The following NR2C2 variants were observed in gnomAD, a reference collection of about 807,000 sequenced individuals.
NR2C2 encodes the protein nuclear receptor subfamily 2 group C member 2.
A neutral mutation model predicts 62.9 loss-of-function variants in NR2C2; 6 were observed. The observed-to-expected ratio is 0.10, with a 90% CI of 0.05 to 0.19. NR2C2 has a LOEUF of 0.19. NR2C2 is among the 10% of genes least tolerant of loss of function. The probability of loss-of-function intolerance (pLI) is 1.00; values close to 1 mark genes in which losing one functional copy is unlikely to be tolerated. For missense variants in NR2C2, 479 were observed against 762.7 expected, an observed-to-expected ratio of 0.63 and a Z score of 4.38; for synonymous variants, 272 against 273.8, an observed-to-expected ratio of 0.99 and a Z score of 0.07.
intron 13 of NR2C2, among the ~76,000 whole-genome samples, chr3:15,041,812 A>AC (rs2042275579): frequency 1.3e-5 from 2 of 152,198 alleles, no homozygotes; most frequent in South Asian, 4.1e-4. Flanking sequence ...AGCTGTGATC[A>AC]CATCACTCCA....
At chr3:15,002,820 G>A (rs1278201106) in intron 1 of NR2C2, among the ~76,000 whole-genome samples, 1 of 151,016 alleles carries the variant, frequency 6.6e-6, no homozygotes, top group Non-Finnish European at 1.5e-5. Flanking sequence ...CACCATGCCT[G>A]GCTAATTTTG....
intron 1 of NR2C2, among the ~76,000 whole-genome samples, chr3:14,964,014 A>G (rs1022326974): frequency 1.3e-5 from 2 of 151,934 alleles, no homozygotes; most frequent in African/African-American, 2.4e-5. Context: ...TGAATGGGCT[A>G]TCAGAGTTAC....
intron 8 of NR2C2, among the ~76,000 whole-genome samples, 169 bp downstream of exon 8, chr3:15,028,888 T>C (rs997539971): frequency 6.6e-6 from 1 of 152,214 alleles, no homozygotes; most frequent in Non-Finnish European, 1.5e-5. Flanking sequence ...TGTGGGAACA[T>C]AGACCCACCT....
At position 15,018,679 on chromosome 3, in the gene NR2C2, C is replaced by T. The variant is rs145753928; in HGVS notation, c.377-2074C>T. Among the ~76,000 whole-genome samples the T allele has an allele frequency of 2.8e-4, 42 of 152,104 alleles. No individual in the cohort carries two copies. In the East Asian group the frequency reaches 7.0e-3, roughly 25 times the overall value. On this transcript the variant is annotated intron_variant, in intron 4 of 13. Coordinates refer to ENST00000425241, the MANE Select transcript of NR2C2 (RefSeq NM_001291694.2). ...GGGAGTTCAAGACCAGCCTGACCAACGTGGCAAAACCTCATCTCTACTGAT... is the reference window on the plus strand; with the variant it reads ...GGGAGTTCAAGACCAGCCTGACCAATGTGGCAAAACCTCATCTCTACTGAT...
chr3:15,033,147 T>G (rs781010032), intron 10 of NR2C2, among the ~76,000 whole-genome samples: 3 of 152,074 alleles, frequency 2.0e-5, no homozygotes, highest in Non-Finnish European at 4.4e-5. Context: ...ACAATGAGAG[T>G]CATTGCATAT....
In NR2C2 at chr3:15,049,249, C is replaced by G. The variant is rs2042562343; in HGVS notation, c.*6241C>G. ...TACTACTACCTAAATGAGGTTTATACTATTAAAAGTGAATTAAAGACTAAC... is the reference window on the plus strand; with the variant it reads ...TACTACTACCTAAATGAGGTTTATAGTATTAAAAGTGAATTAAAGACTAAC... On this transcript the variant is annotated 3_prime_UTR_variant, in exon 14 of 14. Coordinates refer to ENST00000425241, the MANE Select transcript of NR2C2 (RefSeq NM_001291694.2). The G allele has an allele frequency of 6.5e-6, 1 of 152,708 alleles. No individual in the cohort carries two copies. Among genetic ancestry groups the G allele is most frequent in the Non-Finnish European group, 1.5e-5 (1 of 68,114 alleles). 9.5% of individuals were successfully genotyped at this position (152,708 alleles called of 1,614,324 possible).
At chr3:15,009,815 T>C (rs543682600) in intron 2 of NR2C2, among the ~76,000 whole-genome samples, 3 of 152,292 alleles carry the variant, frequency 2.0e-5, no homozygotes, top group Admixed American at 1.3e-4. Context: ...AGGGCCATGC[T>C]CTCTTAAGGT....
At chr3:15,001,582 G>A (rs1309925405) in intron 1 of NR2C2, among the ~76,000 whole-genome samples, 1 of 151,908 alleles carries the variant, frequency 6.6e-6, no homozygotes, top group Non-Finnish European at 1.5e-5. Flanking sequence ...TAATCCGCCT[G>A]CCTTGGCCTC....
At chr3:14,955,226 A>G (rs2039488760) in intron 1 of NR2C2, among the ~76,000 whole-genome samples, 2 of 152,200 alleles carry the variant, frequency 1.3e-5, no homozygotes, top group African/African-American at 4.8e-5. Flanking sequence ...ATTATTGTGT[A>G]GGTTAAGTTT....
chr3:14,963,984 A>C (rs1003123807), intron 1 of NR2C2, among the ~76,000 whole-genome samples: 3 of 152,144 alleles, frequency 2.0e-5, no homozygotes, highest in African/African-American at 7.2e-5. Flanking sequence ...GATTTGACAA[A>C]TATTTTATTA....
chr3:15,027,697 A>G (rs577143812), intron 7 of NR2C2, among the ~76,000 whole-genome samples: 1 of 152,110 alleles, frequency 6.6e-6, no homozygotes, highest in South Asian at 2.1e-4. Flanking sequence ...TCCTGAGCTC[A>G]AGAGACCCTC....
intron 2 of NR2C2, among the ~76,000 whole-genome samples, chr3:15,011,377 A>G (rs371626439): frequency 2.0e-5 from 3 of 152,292 alleles, no homozygotes; most frequent in African/African-American, 7.2e-5. Flanking sequence ...TATGACTCAC[A>G]GAGCTCAGGT....
chr3:14,949,779 T>G (rs2039290121), intron 1 of NR2C2, among the ~76,000 whole-genome samples: 1 of 152,232 alleles, frequency 6.6e-6, no homozygotes, highest in Admixed American at 6.5e-5. Flanking sequence ...ATTTATTTAT[T>G]TTTTGAGACC....
Position 15,038,070 on chromosome 3 carries a change from C to T in NR2C2, c.1443C>T (p.Ser481=). 1 of 1,614,140 alleles carries T rather than the reference C, an allele frequency of 6.2e-7. No homozygotes were observed. Residue 481 remains serine, a synonymous_variant, in exon 12 of 14, where the codon AGC becomes AGT. Coordinates refer to ENST00000425241, the MANE Select transcript of NR2C2 (RefSeq NM_001291694.2). ...GGAAGCTGCAGGAGTTCTGTAACAG[C>T]ATGGCGAAGCTGGATATAGATGGCT... ...HIWKLQEFCN[S]MAKLDIDGYE...
intron 1 of NR2C2, among the ~76,000 whole-genome samples, chr3:14,949,878 A>G: frequency 6.6e-6 from 1 of 152,196 alleles, no homozygotes; most frequent in East Asian, 1.9e-4. Context: ...AGAGATATTT[A>G]TACACATACA....
chr3:15,038,879 C>G (rs1431983268), intron 12 of NR2C2: 3 of 441,878 alleles, frequency 6.8e-6, no homozygotes, highest in African/African-American at 5.8e-5. Flanking sequence ...CAGAACCAAT[C>G]ATGTGGGGCT....
At chr3:15,000,484 G>A (rs920260831) in intron 1 of NR2C2, among the ~76,000 whole-genome samples, 4 of 152,216 alleles carry the variant, frequency 2.6e-5, no homozygotes, top group Non-Finnish European at 4.4e-5. Context: ...ACATGGGAGT[G>A]CAGACATCTC....
intron 1 of NR2C2, among the ~76,000 whole-genome samples, chr3:14,965,171 A>G (rs1042976156): frequency 6.6e-6 from 1 of 152,166 alleles, no homozygotes; most frequent in African/African-American, 2.4e-5. Flanking sequence ...ATAACAAAAC[A>G]ACATTATTTG....
At chr3:15,036,916 G>C (rs2042117448) in intron 11 of NR2C2, among the ~76,000 whole-genome samples, 1 of 152,186 alleles carries the variant, frequency 6.6e-6, no homozygotes, top group Non-Finnish European at 1.5e-5. Flanking sequence ...GAGGTCAGGA[G>C]TTCAAGATCA....
Sources: gnomAD v4.1 joint callset for allele counts (sites outside exome capture counted in the v4.1 genomes callset) on GRCh38, gnomAD v4.1.1 for gene constraint, MANE v1.5 for transcripts, NCBI Gene and HGNC (gene_info 2026-07-23, HGNC 2026-07-21) for gene names.